The following ULK4 variants were observed in gnomAD, a reference collection of about 807,000 sequenced individuals.
ULK4 encodes the protein unc-51 like kinase 4, also known as inactive serine/threonine-protein kinase ULK4.
Under a neutral mutation model 160.6 loss-of-function variants are expected in ULK4, and 133 were observed. The observed-to-expected ratio is 0.83, with a 90% CI of 0.72 to 0.96. The LOEUF is 0.96. Among genes scored for constraint, ULK4 ranks in the 40% least tolerant of loss-of-function variants. The pLI is 0.00. For synonymous variants in ULK4, 534 were observed against 539.8 expected (o/e 0.99, Z 0.15); for missense variants, 1,580 against 1,499.5 (o/e 1.05, Z -0.89).
At chr3:41,531,675 T>C (rs1339673962) in intron 32 of ULK4, among the ~76,000 whole-genome samples, 2 of 152,180 alleles carry the variant, frequency 1.3e-5, no homozygotes, top group Admixed American at 6.5e-5. Context: ...AGGTGTTTTA[T>C]TCCTCCTATA....
chr3:41,360,612 G>T (rs1419156237), intron 35 of ULK4, among the ~76,000 whole-genome samples: 6 of 152,154 alleles, frequency 3.9e-5, no homozygotes, highest in Admixed American at 3.3e-4. Context: ...CAAGTCCTTT[G>T]CAGGGACATG....
intron 5 of ULK4, among the ~76,000 whole-genome samples, chr3:41,927,618 G>C (rs1184129265): frequency 7.1e-6 from 1 of 140,812 alleles, no homozygotes; most frequent in African/African-American, 2.6e-5. Flanking sequence ...CACGTGCAGA[G>C]ACACACATAA....
chr3:41,436,000 C>T (rs981774726), intron 34 of ULK4, among the ~76,000 whole-genome samples: 2 of 152,050 alleles, frequency 1.3e-5, no homozygotes, highest in African/African-American at 4.8e-5. Context: ...CAGACAGTCC[C>T]CAACTTACGA....
intron 34 of ULK4, among the ~76,000 whole-genome samples, chr3:41,439,942 C>T (rs1201937210): frequency 1.3e-5 from 2 of 152,124 alleles, no homozygotes; most frequent in East Asian, 3.8e-4. Flanking sequence ...GTTAGATTTT[C>T]CCCTAATATT....
chr3:41,854,608 T>A (rs1215555977), intron 17 of ULK4, among the ~76,000 whole-genome samples: 1 of 152,116 alleles, frequency 6.6e-6, no homozygotes, highest in African/African-American at 2.4e-5. Context: ...TTTCTAGATT[T>A]ACTGAGCAGA....
At chr3:41,905,661 A>C (rs748023028) in intron 12 of ULK4, among the ~76,000 whole-genome samples, 9 of 152,230 alleles carry the variant, frequency 5.9e-5, no homozygotes, top group Non-Finnish European at 5.9e-5. Context: ...AAATAGGTTA[A>C]ATTTTTGAAT....
intron 34 of ULK4, among the ~76,000 whole-genome samples, chr3:41,406,812 AC>A (rs2082301596): frequency 6.6e-6 from 1 of 152,188 alleles, no homozygotes; most frequent in South Asian, 2.1e-4. Context: ...ACTGCCTGAA[AC>A]AACAAACTAG....
chr3:41,759,919 C>T (rs190178939), intron 21 of ULK4, among the ~76,000 whole-genome samples: 1 of 152,244 alleles, frequency 6.6e-6, no homozygotes, highest in Admixed American at 6.5e-5. Context: ...TTAACTTACA[C>T]TCATTCCTCA....
chr3:41,561,152 G>A (rs955257257), intron 32 of ULK4, among the ~76,000 whole-genome samples: 2 of 152,078 alleles, frequency 1.3e-5, no homozygotes, highest in East Asian at 1.9e-4. Context: ...TTCTGTTTAC[G>A]TGATGGATTA....
At position 41,533,699 on chromosome 3, in the gene ULK4, A is replaced by T. The variant is rs553518257; in HGVS notation, c.3226+32326T>A. 2.0e-5 allele frequency among the ~76,000 whole-genome samples: 3 copies of T among 152,332 alleles called. No homozygotes were observed. The East Asian group carries it at 5.8e-4, about 29-fold the overall frequency. ...GCAATATGGCCCACAAGTCTTAAAT[A>T]TATATACTATCTGGTGTTCTGCAGG... On this transcript the variant is annotated intron_variant, in intron 32 of 36. Coordinates refer to ENST00000301831, the MANE Select transcript of ULK4 (RefSeq NM_017886.4).
At chr3:41,256,846 T>C (rs2078845483) in intron 35 of ULK4, among the ~76,000 whole-genome samples, 1 of 152,152 alleles carries the variant, frequency 6.6e-6, no homozygotes, top group African/African-American at 2.4e-5. Context: ...ATCAAGAACA[T>C]AAAAGTAACT....
At chr3:41,553,705 T>G (rs1411494189) in intron 32 of ULK4, among the ~76,000 whole-genome samples, 2 of 152,074 alleles carry the variant, frequency 1.3e-5, no homozygotes, top group Non-Finnish European at 2.9e-5. Context: ...TGTGAATACA[T>G]AGTAGGTATA....
chr3:41,850,145 C>T (rs1296789799), intron 17 of ULK4, among the ~76,000 whole-genome samples: 2 of 152,144 alleles, frequency 1.3e-5, no homozygotes, highest in Non-Finnish European at 2.9e-5. Flanking sequence ...ATGAACTCAT[C>T]ACTTTTTATG....
intron 35 of ULK4, among the ~76,000 whole-genome samples, chr3:41,295,871 C>T (rs1218276239): frequency 1.3e-5 from 2 of 152,196 alleles, no homozygotes; most frequent in African/African-American, 4.8e-5. Flanking sequence ...TAAGAATGCT[C>T]TTACCTTACT....
intron 29 of ULK4, among the ~76,000 whole-genome samples, chr3:41,673,559 A>G (rs900717720): frequency 3.3e-5 from 5 of 152,204 alleles, no homozygotes; most frequent in African/African-American, 1.2e-4. Flanking sequence ...AATTACAAAA[A>G]AGAAGGGCTG....
intron 2 of ULK4, among the ~76,000 whole-genome samples, chr3:41,943,212 CAA>C (rs71288051): frequency 2.0e-4 from 19 of 95,514 alleles, no homozygotes; most frequent in Non-Finnish European, 1.5e-4. Flanking sequence ...GACTCCATCT[CAA>C]AAAAAAAAAA....
chr3:41,772,874 G>T (rs1286758652), intron 21 of ULK4, among the ~76,000 whole-genome samples: 1 of 152,164 alleles, frequency 6.6e-6, no homozygotes, highest in Admixed American at 6.5e-5. Flanking sequence ...TATCCACCAT[G>T]ATCAAGTGGG....
At chr3:41,897,487 G>A (rs1158602277) in intron 14 of ULK4, among the ~76,000 whole-genome samples, 1 of 151,880 alleles carries the variant, frequency 6.6e-6, no homozygotes, top group African/African-American at 2.4e-5. Flanking sequence ...ACAAAAAAAA[G>A]GCAAAATCTA....
At chr3:41,271,421 T>A (rs2079136317) in intron 35 of ULK4, among the ~76,000 whole-genome samples, 1 of 151,930 alleles carries the variant, frequency 6.6e-6, no homozygotes, top group South Asian at 2.1e-4. Flanking sequence ...AGACAAAGTT[T>A]CACTCTGTTG....
Sources: gnomAD v4.1 joint callset for allele counts (sites outside exome capture counted in the v4.1 genomes callset) on GRCh38, gnomAD v4.1.1 for gene constraint, MANE v1.5 for transcripts, NCBI Gene and HGNC (gene_info 2026-07-23, HGNC 2026-07-21) for gene names.